Variants in SLC24A2 observed in about 807,000 individuals in gnomAD.
The protein encoded by SLC24A2 is sodium/potassium/calcium exchanger 2.
In SLC24A2, 36 loss-of-function variants were observed where a neutral mutation model predicts 62.0. The observed-to-expected ratio is 0.58, with a 90% CI of 0.44 to 0.77. SLC24A2 has a LOEUF of 0.77. Among genes scored for constraint, SLC24A2 ranks in the 30% least tolerant of loss-of-function variants. The probability of loss-of-function intolerance (pLI) is 0.00; values close to 1 mark genes in which losing one functional copy is unlikely to be tolerated. For synonymous variants in SLC24A2, 358 were observed against 294.0 expected, an observed-to-expected ratio of 1.22 and a Z score of -2.23; for missense variants, 846 against 817.9, an observed-to-expected ratio of 1.03 and a Z score of -0.42.
chr9:19,789,415 A>C (rs1166138136), upstream of SLC24A2, among the ~76,000 whole-genome samples: 1 of 152,206 alleles, frequency 6.6e-6, no homozygotes, highest in Non-Finnish European at 1.5e-5. Context: ...TGTGATGTGT[A>C]ATGGTGGAAA....
intron 7 of SLC24A2, among the ~76,000 whole-genome samples, chr9:19,563,370 C>A (rs1394398669): frequency 6.6e-6 from 1 of 150,454 alleles, no homozygotes; most frequent in African/African-American, 2.5e-5. Flanking sequence ...AATGGTGGAC[C>A]TGACTGTTAC....
At chr9:19,856,782 G>A in the SLC24A2 span, among the ~76,000 whole-genome samples, 4 of 152,180 alleles carry the variant, frequency 2.6e-5, no homozygotes, top group African/African-American at 9.7e-5. Context: ...CTGGATCCAG[G>A]ATCTGCTTAA....
the SLC24A2 span, among the ~76,000 whole-genome samples, chr9:20,104,938 G>C: frequency 1.2e-3 from 188 of 152,298 alleles, 5 homozygotes; most frequent in East Asian, 0.026. Flanking sequence ...CCAGTGTGCT[G>C]TATTCAGGAA....
chr9:20,208,608 A>T, the SLC24A2 span, among the ~76,000 whole-genome samples: 2 of 152,220 alleles, frequency 1.3e-5, no homozygotes, highest in Admixed American at 1.3e-4. Context: ...AGTAATACAA[A>T]TGTGGCATAT....
At chr9:19,810,993 C>T in the SLC24A2 span, among the ~76,000 whole-genome samples, 347 of 44,346 alleles carry the variant, frequency 7.8e-3, 3 homozygotes, top group African/African-American at 0.015. Flanking sequence ...TCTTTCACTC[C>T]GCAGTGAACA....
intron 2 of SLC24A2, among the ~76,000 whole-genome samples, chr9:19,634,338 G>T (rs1403027318): frequency 1.4e-5 from 2 of 144,438 alleles, no homozygotes; most frequent in Non-Finnish European, 3.0e-5. Flanking sequence ...GCCCAGGCTG[G>T]AGTGCAATGG....
chr9:20,058,022 T>C, the SLC24A2 span, among the ~76,000 whole-genome samples: 1 of 152,142 alleles, frequency 6.6e-6, no homozygotes, highest in African/African-American at 2.4e-5. Flanking sequence ...AACAAAAAAC[T>C]TTAAAATAAA....
the SLC24A2 span, among the ~76,000 whole-genome samples, chr9:20,167,785 T>A: frequency 6.6e-6 from 1 of 151,966 alleles, no homozygotes; most frequent in Admixed American, 6.6e-5. Context: ...AGTGGCAAGA[T>A]CATAGCTTAC....
chr9:20,181,057 C>T, the SLC24A2 span, among the ~76,000 whole-genome samples: 2 of 152,022 alleles, frequency 1.3e-5, no homozygotes, highest in African/African-American at 4.8e-5. Context: ...TCTTCAGAGA[C>T]AGTCCATGCA....
At chr9:20,102,500 G>A in the SLC24A2 span, among the ~76,000 whole-genome samples, 1 of 151,540 alleles carries the variant, frequency 6.6e-6, no homozygotes, top group Non-Finnish European at 1.5e-5. Context: ...GAGGGGGTGG[G>A]GGGGGAAGGG....
the SLC24A2 span, among the ~76,000 whole-genome samples, chr9:20,027,167 C>A: frequency 6.6e-6 from 1 of 151,526 alleles, no homozygotes; most frequent in Admixed American, 6.6e-5. Context: ...ACAAAGATAG[C>A]ATGGAGAAAA....
the SLC24A2 span, among the ~76,000 whole-genome samples, chr9:20,175,492 AT>A: frequency 6.6e-6 from 1 of 152,128 alleles, no homozygotes; most frequent in African/African-American, 2.4e-5. Flanking sequence ...AATAGTTAAA[AT>A]GATAAATATT....
chr9:19,770,542 G>A (rs1822654218), intron 2 of SLC24A2, among the ~76,000 whole-genome samples: 2 of 152,114 alleles, frequency 1.3e-5, no homozygotes. Flanking sequence ...GGCTCAGATA[G>A]TGATCCATTC....
chr9:20,256,337 T>C, the SLC24A2 span, among the ~76,000 whole-genome samples: 4 of 152,056 alleles, frequency 2.6e-5, no homozygotes, highest in Non-Finnish European at 4.4e-5. Flanking sequence ...TGCAACCAGC[T>C]CTGCTCTGAT....
chr9:20,181,718 G>A, the SLC24A2 span, among the ~76,000 whole-genome samples: 1 of 152,180 alleles, frequency 6.6e-6, no homozygotes, highest in Non-Finnish European at 1.5e-5. Flanking sequence ...TCAGGACATA[G>A]GCATGGGCAA....
At chr9:19,925,735 GTGACAGGGTTCCT>G in the SLC24A2 span, among the ~76,000 whole-genome samples, 6 of 152,214 alleles carry the variant, frequency 3.9e-5, no homozygotes, top group African/African-American at 1.4e-4. Context: ...GGGATCTGAT[GTGACAGGGTTCCT>G]TCTCTATCCT....
chr9:19,791,135 C>G (rs1266034341), upstream of SLC24A2, among the ~76,000 whole-genome samples: 1 of 152,216 alleles, frequency 6.6e-6, no homozygotes, highest in Non-Finnish European at 1.5e-5. Context: ...AAAATAGCTT[C>G]AAGATGCTAT....
chr9:20,256,483 T>C, the SLC24A2 span, among the ~76,000 whole-genome samples: 2 of 151,778 alleles, frequency 1.3e-5, no homozygotes, highest in South Asian at 4.2e-4. Context: ...CACTTCACAA[T>C]TTTTTTTTCC....
chr9:19,678,254 C>T (rs943046163), intron 2 of SLC24A2, among the ~76,000 whole-genome samples: 3 of 152,162 alleles, frequency 2.0e-5, no homozygotes, highest in Non-Finnish European at 2.9e-5. Flanking sequence ...GTGTTCTTTC[C>T]ACTACACCAC....
Sources: gnomAD v4.1 joint callset for allele counts (sites outside exome capture counted in the v4.1 genomes callset) on GRCh38, gnomAD v4.1.1 for gene constraint, MANE v1.5 for transcripts, NCBI Gene and HGNC (gene_info 2026-07-23, HGNC 2026-07-21) for gene names.